The following JARID2 variants were observed in gnomAD, a reference collection of about 807,000 sequenced individuals.
JARID2 encodes the protein jumonji and AT-rich interaction domain containing 2, also known as protein Jumonji.
In JARID2, 21 loss-of-function variants were observed where a neutral mutation model predicts 125.6. The observed-to-expected ratio is 0.17, with a 90% CI of 0.12 to 0.24. JARID2 has a LOEUF of 0.24. Among genes scored for constraint, JARID2 ranks in the 10% least tolerant of loss-of-function variants. JARID2 has a pLI of 1.00. For synonymous variants in JARID2, 736 were observed against 661.6 expected, an observed-to-expected ratio of 1.11 and a Z score of -1.73; for missense variants, 1,303 against 1,639.6, an observed-to-expected ratio of 0.79 and a Z score of 3.55.
rs577495396 is a variant in JARID2, at chr6:15,256,677, G to A, written c.45+10093G>A. ...GAATGGATTGCCTGAGGAGCCCACCGTGTTTGTCTGAAGCCTGTCACCCTG... is the reference window on the plus strand; with the variant it reads ...GAATGGATTGCCTGAGGAGCCCACCATGTTTGTCTGAAGCCTGTCACCCTG... On this transcript the variant is annotated intron_variant, in intron 1 of 17. Transcript: ENST00000341776. Among the ~76,000 whole-genome samples, 126 of 152,286 alleles carry A rather than the reference G, an allele frequency of 8.3e-4. 2 individuals are homozygous for A. The highest frequency in any genetic ancestry group is 6.6e-4 in the Non-Finnish European group (45 of 68,028).
At chr6:15,340,312 T>G (rs1470766259) in intron 1 of JARID2, among the ~76,000 whole-genome samples, 1 of 152,196 alleles carries the variant, frequency 6.6e-6, no homozygotes, top group African/African-American at 2.4e-5. Context: ...TGATGTCCAG[T>G]GAGGTCATAC....
chr6:15,450,849 TA>T (rs35855145), intron 3 of JARID2, among the ~76,000 whole-genome samples: 1 of 152,198 alleles, frequency 6.6e-6, no homozygotes, highest in Non-Finnish European at 1.5e-5. Flanking sequence ...GCTACTGTGT[TA>T]AAAAAGAACA....
chr6:15,279,050 C>T (rs148162518), intron 1 of JARID2, among the ~76,000 whole-genome samples: 1 of 150,760 alleles, frequency 6.6e-6, no homozygotes, highest in Non-Finnish European at 1.5e-5. Context: ...AAGATCGCAC[C>T]ACTGCACTTC....
chr6:15,468,519 A>G, intron 4 of JARID2, 23 bp from the exon 5 acceptor site: 1 of 1,602,426 alleles, frequency 6.2e-7, no homozygotes, highest in Non-Finnish European at 8.5e-7. Flanking sequence ...TGTGTTTATG[A>G]GCTGTTTTTC....
intron 2 of JARID2, among the ~76,000 whole-genome samples, chr6:15,382,710 A>T (rs1047875820): frequency 1.3e-5 from 2 of 152,232 alleles, no homozygotes; most frequent in Non-Finnish European, 1.5e-5. Flanking sequence ...ATCCAATTTA[A>T]GTGACAGTGA....
intron 3 of JARID2, among the ~76,000 whole-genome samples, chr6:15,412,274 C>T (rs1357428476): frequency 6.6e-6 from 1 of 152,052 alleles, no homozygotes; most frequent in Non-Finnish European, 1.5e-5. Context: ...TTGTAGCCTT[C>T]AAATGTGTAG....
intron 1 of JARID2, among the ~76,000 whole-genome samples, chr6:15,358,319 G>C (rs1406246349): frequency 2.0e-5 from 3 of 152,070 alleles, no homozygotes; most frequent in African/African-American, 7.2e-5. Flanking sequence ...TTAGTTTCTG[G>C]TGATGAGATA....
intron 1 of JARID2, among the ~76,000 whole-genome samples, chr6:15,273,241 C>T (rs1216784749): frequency 6.6e-6 from 1 of 152,182 alleles, no homozygotes; most frequent in Non-Finnish European, 1.5e-5. Flanking sequence ...CTATTGAATA[C>T]ACTTAGCGGG....
intron 2 of JARID2, among the ~76,000 whole-genome samples, chr6:15,382,816 G>A (rs1013261206): frequency 2.6e-5 from 4 of 152,150 alleles, no homozygotes; most frequent in African/African-American, 9.7e-5. Flanking sequence ...TCCTCTTTCG[G>A]GTCACTTTGT....
chr6:15,513,595 T>TCACCCACAGTGACCAGC (rs1434486748), intron 16 of JARID2, among the ~76,000 whole-genome samples, 173 bp downstream of exon 16: 1 of 152,220 alleles, frequency 6.6e-6, no homozygotes. Flanking sequence ...GGTGGCTGCC[T>TCACCCACAGTGACCAGC]CACCCACAGT....
chr6:15,465,020 A>G (rs940594389), intron 4 of JARID2, among the ~76,000 whole-genome samples: 1 of 152,114 alleles, frequency 6.6e-6, no homozygotes, highest in Non-Finnish European at 1.5e-5. Flanking sequence ...CTGGTCTTCT[A>G]TTTCTAATCT....
At chr6:15,490,639 G>T (rs547368352) in intron 6 of JARID2, among the ~76,000 whole-genome samples, 2 of 152,362 alleles carry the variant, frequency 1.3e-5, no homozygotes, top group African/African-American at 4.8e-5. Flanking sequence ...GGGGCTGGGA[G>T]TGCCCCTGGG....
chr6:15,330,625 TAGAGTGTAAATTAGGAAAACAGTCA>T (rs1341696946), intron 1 of JARID2, among the ~76,000 whole-genome samples: 1 of 152,228 alleles, frequency 6.6e-6, no homozygotes, highest in African/African-American at 2.4e-5. Flanking sequence ...ATTAAAAGCA[TAGAGTGTAAATTAGGAAAACAGTCA>T]AAACATTTAA....
At chr6:15,349,534 G>A (rs1014815067) in intron 1 of JARID2, among the ~76,000 whole-genome samples, 1 of 152,198 alleles carries the variant, frequency 6.6e-6, no homozygotes, top group African/African-American at 2.4e-5. Flanking sequence ...AAGTGGGACT[G>A]GATTTTGGCA....
intron 3 of JARID2, among the ~76,000 whole-genome samples, chr6:15,434,929 G>A (rs1767138307): frequency 6.6e-6 from 1 of 152,176 alleles, no homozygotes; most frequent in African/African-American, 2.4e-5. Context: ...CCAAGTGAGA[G>A]CCTTAATTCT....
At chr6:15,505,890 C>T (rs796385667) in intron 9 of JARID2, among the ~76,000 whole-genome samples, 9 of 152,358 alleles carry the variant, frequency 5.9e-5, no homozygotes, top group African/African-American at 1.9e-4. Context: ...GCGGAGGACA[C>T]TTGGCTTTCT....
chr6:15,509,226 G>C, intron 12 of JARID2: 3 of 1,210,510 alleles, frequency 2.5e-6, no homozygotes, highest in Non-Finnish European at 3.2e-6. Context: ...CTTTGTTTAC[G>C]GCGGCAGATG....
At chr6:15,454,534 G>A (rs1453153716) in intron 4 of JARID2, among the ~76,000 whole-genome samples, 2 of 152,152 alleles carry the variant, frequency 1.3e-5, no homozygotes, top group Non-Finnish European at 1.5e-5. Flanking sequence ...CTGGAGTGCA[G>A]TGGCACAGTC....
At chr6:15,486,806 C>CGTTTTTTTTTTT (rs1769886729) in intron 5 of JARID2, among the ~76,000 whole-genome samples, 1 of 100,512 alleles carries the variant, frequency 9.9e-6, no homozygotes, top group African/African-American at 4.8e-5. Flanking sequence ...TGAGAATAGA[C>CGTTTTTTTTTTT]TTTTTTTTTT....
Sources: allele counts gnomAD v4.1 joint callset (sites outside exome capture counted in the v4.1 genomes callset), GRCh38; gene constraint gnomAD v4.1.1; transcripts MANE v1.5; gene names NCBI Gene and HGNC (gene_info 2026-07-23, HGNC 2026-07-21).